The following GRID1 variants were observed in gnomAD, a reference collection of about 807,000 sequenced individuals.
GRID1 encodes glutamate ionotropic receptor delta type subunit 1.
GRID1 carries 28 observed loss-of-function variants against 98.0 expected under a neutral mutation model. The ratio of observed to expected loss-of-function variants is 0.29; its 90% CI spans 0.21 to 0.39. GRID1 has a LOEUF of 0.39. GRID1 is among the 10% of genes least tolerant of loss of function. The probability of loss-of-function intolerance (pLI) is 1.00; values close to 1 mark genes in which losing one functional copy is unlikely to be tolerated. For missense variants in GRID1, 1,111 were observed against 1,340.5 expected, an observed-to-expected ratio of 0.83 and a Z score of 2.67; for synonymous variants, 553 against 538.5, an observed-to-expected ratio of 1.03 and a Z score of -0.37.
intron 4 of GRID1, among the ~76,000 whole-genome samples, chr10:85,939,513 T>C (rs1260418456): frequency 6.6e-6 from 1 of 152,022 alleles, no homozygotes; most frequent in African/African-American, 2.4e-5. Flanking sequence ...TAGAAGCCAC[T>C]CTCATTCCTT....
chr10:85,631,413 T>C (rs1842974373), intron 13 of GRID1, among the ~76,000 whole-genome samples: 1 of 152,232 alleles, frequency 6.6e-6, no homozygotes, highest in South Asian at 2.1e-4. Context: ...CATCTGACCC[T>C]GTGGAGACAT....
chr10:85,997,809 A>G (rs1842758206), intron 4 of GRID1, among the ~76,000 whole-genome samples: 1 of 152,232 alleles, frequency 6.6e-6, no homozygotes, highest in African/African-American at 2.4e-5. Flanking sequence ...AACCAATTAC[A>G]TGTTGCCTAC....
chr10:85,821,029 G>A (rs540513236), intron 8 of GRID1, among the ~76,000 whole-genome samples: 5 of 151,814 alleles, frequency 3.3e-5, no homozygotes, highest in East Asian at 1.9e-4. Flanking sequence ...GCTCATCAAC[G>A]GATAAGCAGA....
chr10:86,039,091 T>C (rs1253719179), intron 4 of GRID1, among the ~76,000 whole-genome samples: 2 of 152,204 alleles, frequency 1.3e-5, no homozygotes, highest in East Asian at 3.9e-4. Context: ...GACTATTCCA[T>C]TGTCTCCTAG....
At chr10:85,726,815 G>A (rs575878074) in intron 10 of GRID1, among the ~76,000 whole-genome samples, 1 of 152,308 alleles carries the variant, frequency 6.6e-6, no homozygotes, top group Non-Finnish European at 1.5e-5. Context: ...TGGCGTGACG[G>A]AAGTATTCTA....
intron 4 of GRID1, among the ~76,000 whole-genome samples, chr10:86,015,526 G>C (rs1441734481): frequency 6.6e-6 from 1 of 152,232 alleles, no homozygotes; most frequent in Non-Finnish European, 1.5e-5. Context: ...CACTCTAAGA[G>C]AATATTGACA....
At chr10:85,808,519 A>T (rs900460242) in intron 8 of GRID1, among the ~76,000 whole-genome samples, 4 of 152,242 alleles carry the variant, frequency 2.6e-5, no homozygotes, top group Non-Finnish European at 5.9e-5. Flanking sequence ...CAGAGGTCAC[A>T]AAGTTCTGGA....
chr10:85,710,781 T>A (rs1460060617), intron 12 of GRID1, among the ~76,000 whole-genome samples: 2 of 152,018 alleles, frequency 1.3e-5, no homozygotes, highest in East Asian at 3.8e-4. Context: ...CCATAAATGA[T>A]TCAATTAAAA....
intron 12 of GRID1, among the ~76,000 whole-genome samples, chr10:85,657,438 C>T (rs1199887649): frequency 1.3e-5 from 2 of 152,116 alleles, no homozygotes; most frequent in African/African-American, 4.8e-5. Flanking sequence ...GATAATATGA[C>T]CCCTACCTAC....
chr10:86,143,670 G>A lies in GRID1; in HGVS notation c.521-4646C>T, dbSNP rs370424088. 1.1e-4 allele frequency among the ~76,000 whole-genome samples: 16 copies of A among 152,156 alleles called. No homozygotes were observed. The East Asian group carries it at 1.2e-3, about 11-fold the overall frequency. On this transcript the variant is annotated intron_variant, in intron 3 of 15. Transcript: ENST00000327946. The stretch of plus-strand genomic sequence containing the variant: ...GGGGAAGTTTGCTGACTGAGGCCTT[G>A]TCAGGCCTCGCATCAACCTGATCCA...
intron 2 of GRID1, among the ~76,000 whole-genome samples, chr10:86,310,622 C>T (rs184518209): frequency 6.6e-6 from 1 of 152,292 alleles, no homozygotes; most frequent in East Asian, 1.9e-4. Context: ...CCAGGCTTCC[C>T]ACTGCGCCAC....
intron 5 of GRID1, among the ~76,000 whole-genome samples, chr10:85,874,534 C>T (rs1323654292): frequency 6.6e-6 from 1 of 152,110 alleles, no homozygotes; most frequent in African/African-American, 2.4e-5. Flanking sequence ...GTCCAATTTC[C>T]ACTGAGTTGG....
At chr10:86,005,051 C>T (rs1221569352) in intron 4 of GRID1, among the ~76,000 whole-genome samples, 2 of 152,182 alleles carry the variant, frequency 1.3e-5, no homozygotes, top group Non-Finnish European at 2.9e-5. Flanking sequence ...GGCTCAAATT[C>T]TATATCTTTT....
chr10:86,219,100 T>A (rs1846215867), intron 2 of GRID1, among the ~76,000 whole-genome samples: 1 of 152,204 alleles, frequency 6.6e-6, no homozygotes, highest in Non-Finnish European at 1.5e-5. Context: ...CCTCTACAAC[T>A]GCCTGGGCAG....
At chr10:85,862,975 C>A (rs553294873) in intron 6 of GRID1, among the ~76,000 whole-genome samples, 1 of 152,110 alleles carries the variant, frequency 6.6e-6, no homozygotes, top group African/African-American at 2.4e-5. Context: ...CATTCCCCAG[C>A]GGGGAGGGGC....
At chr10:85,953,623 C>T (rs2131844873) in intron 4 of GRID1, among the ~76,000 whole-genome samples, 1 of 152,286 alleles carries the variant, frequency 6.6e-6, no homozygotes, top group Non-Finnish European at 1.5e-5. Context: ...CTATAATATT[C>T]CTGGCCTCCC....
intron 4 of GRID1, among the ~76,000 whole-genome samples, chr10:86,132,567 C>T (rs888657875): frequency 2.0e-5 from 3 of 152,136 alleles, no homozygotes; most frequent in African/African-American, 7.2e-5. Flanking sequence ...TTAAAATATT[C>T]TGGTAAATGA....
chr10:85,884,990 C>T (rs928547246), intron 5 of GRID1, among the ~76,000 whole-genome samples: 2 of 152,042 alleles, frequency 1.3e-5, no homozygotes, highest in Non-Finnish European at 2.9e-5. Flanking sequence ...TCTTTTATTG[C>T]CTTATACCAT....
chr10:86,213,443 A>G (rs1846133116), intron 2 of GRID1, among the ~76,000 whole-genome samples: 1 of 152,034 alleles, frequency 6.6e-6, no homozygotes, highest in Non-Finnish European at 1.5e-5. Context: ...TTCATGAATC[A>G]GAAGCCATCA....
Sources: gnomAD v4.1 joint callset for allele counts (sites outside exome capture counted in the v4.1 genomes callset) on GRCh38, gnomAD v4.1.1 for gene constraint, MANE v1.5 for transcripts, NCBI Gene and HGNC (gene_info 2026-07-23, HGNC 2026-07-21) for gene names.